Variants in DPF3 observed in about 807,000 individuals in gnomAD.
The protein encoded by DPF3 is zinc finger protein DPF3.
In DPF3, 18 loss-of-function variants were observed where a neutral mutation model predicts 56.8. The observed-to-expected ratio is 0.32, with a 90% CI of 0.22 to 0.47. The LOEUF is 0.47. Among genes scored for constraint, DPF3 ranks in the 20% least tolerant of loss-of-function variants. The probability of loss-of-function intolerance (pLI) is 1.00; values close to 1 mark genes in which losing one functional copy is unlikely to be tolerated. For missense variants in DPF3, 403 were observed against 488.8 expected (o/e 0.82, Z 1.65); for synonymous variants, 188 against 180.2 (o/e 1.04, Z -0.35).
chr14:72,627,174 A>G (rs1357737207), intron 9 of DPF3, among the ~76,000 whole-genome samples: 2 of 152,054 alleles, frequency 1.3e-5, no homozygotes, highest in African/African-American at 4.8e-5. Context: ...ATATACCAAC[A>G]TTTTATTTAA....
rs956390519 is a variant in DPF3, at chr14:72,629,720, C to A, written c.888G>T (p.Leu296=). Residue 296 remains leucine (L), a synonymous_variant, in exon 9 of 11, where the codon CTG becomes CTT. Transcript: ENST00000556509. The part of the protein sequence containing the change: ...DCGRSGHPTC[L]QFTLNMTEAV... ...CCTCGGTCATGTTCAGGGTAAACTGCAGGCAGGTTGGGTGACCTGGAGGAA... is the reference window on the plus strand; with the variant it reads ...CCTCGGTCATGTTCAGGGTAAACTGAAGGCAGGTTGGGTGACCTGGAGGAA... The A allele has an allele frequency of 6.5e-7, 1 of 1,535,936 alleles. No individual in the cohort carries two copies. The highest frequency in any genetic ancestry group is 8.7e-7 in the Non-Finnish European group (1 of 1,146,878).
In DPF3 at chr14:72,712,991, G is replaced by C. The variant is rs377680814; in HGVS notation, c.604+1432C>G. On this transcript the variant is annotated intron_variant, in intron 6 of 10. Transcript: ENST00000556509. Reference sequence around the variant, plus strand: ...TGGTCAAGCCAAACACAGCTAGAAAGCCCAAGACGGTCTGAGGGCCCTTCC... The same window carrying C: ...TGGTCAAGCCAAACACAGCTAGAAACCCCAAGACGGTCTGAGGGCCCTTCC... Among the ~76,000 whole-genome samples the C allele has an allele frequency of 5.9e-5, 9 of 152,400 alleles. No homozygotes were observed. The South Asian group carries it at 1.7e-3, about 28-fold the overall frequency.
rs187730565 is a variant in DPF3 at position 72,783,214 on chromosome 14, T to A, written c.33-11321A>T. ...CCCAACCCTGCCCTACCCTTTGCTA[T>A]CTCATATACTTTATTTTTTTCATAA... is the stretch of plus-strand genomic sequence containing the variant. On this transcript the variant is annotated intron_variant, in intron 1 of 10. Transcript: ENST00000556509. Among the ~76,000 whole-genome samples, 5 of 150,188 alleles carry A rather than the reference T, an allele frequency of 3.3e-5. No homozygotes were observed. The East Asian group carries it at 1.0e-3, about 30-fold the overall frequency.
intron 3 of DPF3, among the ~76,000 whole-genome samples, chr14:72,732,254 G>A (rs1421525073): frequency 1.3e-5 from 2 of 152,264 alleles, no homozygotes; most frequent in Admixed American, 6.5e-5. Context: ...CGTCAGGAGC[G>A]TGGAGCCCTT....
chr14:72,688,330 G>C (rs570593694), intron 7 of DPF3, among the ~76,000 whole-genome samples: 2 of 147,916 alleles, frequency 1.4e-5, no homozygotes, highest in Admixed American at 1.3e-4. Flanking sequence ...TGGGTGGATG[G>C]ATCGATGACG....
intron 7 of DPF3, among the ~76,000 whole-genome samples, chr14:72,678,134 A>G (rs1003047527): frequency 1.3e-5 from 2 of 152,216 alleles, no homozygotes; most frequent in African/African-American, 4.8e-5. Context: ...CAAAGAGATT[A>G]AAGCGCTGGC....
At chr14:72,792,526 C>G (rs1892481425) in intron 1 of DPF3, among the ~76,000 whole-genome samples, 1 of 152,180 alleles carries the variant, frequency 6.6e-6, no homozygotes, top group South Asian at 2.1e-4. Flanking sequence ...CCCCACAGCG[C>G]TTCCCCCACA....
intron 7 of DPF3, among the ~76,000 whole-genome samples, chr14:72,684,554 GA>G (rs1257492304): frequency 6.6e-6 from 1 of 151,870 alleles, no homozygotes; most frequent in Non-Finnish European, 1.5e-5. Flanking sequence ...TGAGAGCCAG[GA>G]AAGACAGTGA....
intron 1 of DPF3, among the ~76,000 whole-genome samples, chr14:72,867,220 T>G (rs1885709698): frequency 6.6e-6 from 1 of 152,128 alleles, no homozygotes; most frequent in African/African-American, 2.4e-5. Context: ...AGCTTCATAC[T>G]GGAAAATACG....
chr14:72,841,665 T>C (rs1884547184), intron 1 of DPF3, among the ~76,000 whole-genome samples: 1 of 152,166 alleles, frequency 6.6e-6, no homozygotes, highest in Admixed American at 6.5e-5. Context: ...AGAGCCTCTC[T>C]GAAAAGAAGC....
rs1890653324 is a variant in DPF3, at chr14:72,753,264, C to T, written c.301G>A (p.Glu101Lys). ...PKLRLLEIKP[E>K]VELPLKKDGF... ...CAGCCAAGCTCCAGAGGGCACTGACCAGGTTTTATCTCCAGCAGCCGCAGT... is the reference window on the plus strand; with the variant it reads ...CAGCCAAGCTCCAGAGGGCACTGACTAGGTTTTATCTCCAGCAGCCGCAGT... Residue 101 changes from glutamate to lysine, a missense_variant and splice_region_variant, in exon 3 of 11, where the codon GAA (glutamate) becomes AAA (lysine). Physicochemically the swap from Glu to Lys is moderately conservative, Grantham distance 56. Coordinates refer to ENST00000556509, the MANE Select transcript of DPF3 (RefSeq NM_001280542.3). The T allele has an allele frequency of 3.1e-6, 5 of 1,613,398 alleles. No individual in the cohort carries two copies. The highest frequency in any genetic ancestry group is 4.2e-6 in the Non-Finnish European group (5 of 1,179,726).
intron 1 of DPF3, among the ~76,000 whole-genome samples, chr14:72,828,505 T>C (rs1355930528): frequency 7.8e-5 from 9 of 116,086 alleles, no homozygotes; most frequent in African/African-American, 3.0e-4. Context: ...GCCACTGCAC[T>C]GCAGCCTGGG....
chr14:72,624,353 T>C (rs1020924456), intron 9 of DPF3, among the ~76,000 whole-genome samples: 1 of 148,202 alleles, frequency 6.7e-6, no homozygotes, highest in Non-Finnish European at 1.5e-5. Flanking sequence ...TTTTTTTTTT[T>C]TCTGAGACAG....
chr14:72,629,499 G>A, intron 9 of DPF3, 125 bp downstream of exon 9: 3 of 790,368 alleles, frequency 3.8e-6, no homozygotes, highest in Non-Finnish European at 6.1e-6. Context: ...TGGCCAGGTT[G>A]CTCCCAAGTG....
At chr14:72,821,133 C>CA (rs976081670) in intron 1 of DPF3, among the ~76,000 whole-genome samples, 1,509 of 116,836 alleles carry the variant, frequency 0.013, 13 homozygotes, top group African/African-American at 0.033. Context: ...AACTCTATCT[C>CA]AAAAAAAAAA....
chr14:72,832,104 C>A (rs1415027559), intron 1 of DPF3, among the ~76,000 whole-genome samples: 1 of 152,134 alleles, frequency 6.6e-6, no homozygotes, highest in African/African-American at 2.4e-5. Context: ...GTAGTCCCAG[C>A]TACTCAGTAG....
chr14:72,721,870 G>A (rs761701208), intron 5 of DPF3, among the ~76,000 whole-genome samples: 4 of 152,146 alleles, frequency 2.6e-5, no homozygotes, highest in Non-Finnish European at 5.9e-5. Context: ...CTTCTAGAAT[G>A]TGAGAAGTTC....
chr14:72,883,959 C>T (rs1279184734), intron 1 of DPF3, among the ~76,000 whole-genome samples: 1 of 151,400 alleles, frequency 6.6e-6, no homozygotes. Context: ...GAAAAAGAAT[C>T]CATTCTTGCC....
chr14:72,725,008 C>G (rs1261380443), intron 4 of DPF3, among the ~76,000 whole-genome samples: 1 of 152,112 alleles, frequency 6.6e-6, no homozygotes, highest in South Asian at 2.1e-4. Flanking sequence ...TGAGCTACCA[C>G]ACCTGGCCAC....
Sources: allele counts gnomAD v4.1 joint callset (sites outside exome capture counted in the v4.1 genomes callset), GRCh38; gene constraint gnomAD v4.1.1; transcripts MANE v1.5; gene names NCBI Gene and HGNC (gene_info 2026-07-23, HGNC 2026-07-21).